PLCB1: variants seen among roughly 807,000 people sequenced by gnomAD.
The protein encoded by PLCB1 is phospholipase C beta 1, also known as 1-phosphatidylinositol 4,5-bisphosphate phosphodiesterase beta-1.
A neutral mutation model predicts 161.8 loss-of-function variants in PLCB1; 46 were observed. That is an observed-to-expected ratio of 0.28 (90% CI 0.22 to 0.36). The LOEUF (loss-of-function observed/expected upper bound fraction) is 0.36, where lower values mean the gene tolerates loss of function less well. PLCB1 is among the 10% of genes least tolerant of loss of function. The probability of loss-of-function intolerance (pLI) is 1.00; values close to 1 mark genes in which losing one functional copy is unlikely to be tolerated. For synonymous variants in PLCB1, 517 were observed against 503.7 expected (o/e 1.03, Z -0.35); for missense variants, 1,016 against 1,472.5 (o/e 0.69, Z 5.07).
chr20:8,805,928 CTT>C (rs1984516083), intron 31 of PLCB1, among the ~76,000 whole-genome samples: 1 of 152,156 alleles, frequency 6.6e-6, no homozygotes, highest in South Asian at 2.1e-4. Context: ...AAGCATATCT[CTT>C]TGAGTGGCTA....
chr20:8,249,218 T>C (rs536345664), intron 2 of PLCB1, among the ~76,000 whole-genome samples: 1 of 152,108 alleles, frequency 6.6e-6, no homozygotes, highest in South Asian at 2.1e-4. Context: ...GTTATTTAAA[T>C]AGAAGATTTC....
chr20:8,878,149 A>G (rs1987843524), intron 31 of PLCB1, among the ~76,000 whole-genome samples: 1 of 152,208 alleles, frequency 6.6e-6, no homozygotes, highest in Non-Finnish European at 1.5e-5. Flanking sequence ...CATTAACCTG[A>G]GAGAAATTAT....
At chr20:8,560,178 A>G (rs890223143) in intron 3 of PLCB1, among the ~76,000 whole-genome samples, 1 of 151,986 alleles carries the variant, frequency 6.6e-6, no homozygotes, top group African/African-American at 2.4e-5. Flanking sequence ...TAAGACCTGC[A>G]TTTCTAACAA....
chr20:8,731,491 A>G (rs1436534113), intron 18 of PLCB1, among the ~76,000 whole-genome samples: 3 of 151,920 alleles, frequency 2.0e-5, no homozygotes, highest in Admixed American at 2.0e-4. Flanking sequence ...CACTGTTGTG[A>G]TATCATCAAG....
At chr20:8,644,364 G>A (rs1186821597) in intron 4 of PLCB1, among the ~76,000 whole-genome samples, 62 of 146,744 alleles carry the variant, frequency 4.2e-4, no homozygotes, top group Admixed American at 2.8e-3. Context: ...GCCTCTTCCC[G>A]GCCGCCATCC....
At chr20:8,386,316 A>G (rs1027425490) in intron 3 of PLCB1, among the ~76,000 whole-genome samples, 5 of 152,224 alleles carry the variant, frequency 3.3e-5, no homozygotes, top group African/African-American at 9.6e-5. Flanking sequence ...TTATTGATCC[A>G]TGGGCTACAG....
intron 3 of PLCB1, among the ~76,000 whole-genome samples, chr20:8,540,699 G>C (rs1321820343): frequency 6.6e-6 from 1 of 152,094 alleles, no homozygotes. Context: ...ATTGATGAGA[G>C]ACAGGATTAA....
Position 8,658,555 on chromosome 20 carries a change from C to G in PLCB1, c.713C>G (p.Pro238Arg). The change falls in exon 9 of 32, where the codon CCA becomes CGA. Residue 238 changes from proline to arginine, a missense_variant. Transcript: ENST00000338037. ...GTTTTTAGTGGTGCAAAAAGCAAAC[C>G]ATATCTTACCGTTGATCAGATGATG... ...IFSEFGAKSK[P>R]YLTVDQMMDF... 6.2e-7 allele frequency: 1 copy of G among 1,603,752 alleles called. No individual in the cohort carries two copies. Among genetic ancestry groups the G allele is most frequent in the East Asian group, 2.2e-5 (1 of 44,568 alleles).
At chr20:8,154,833 C>T (rs2051543233) in intron 2 of PLCB1, among the ~76,000 whole-genome samples, 1 of 152,130 alleles carries the variant, frequency 6.6e-6, no homozygotes, top group Non-Finnish European at 1.5e-5. Flanking sequence ...TGCAATTACA[C>T]TCTTCCTGTC....
At chr20:8,226,027 T>C (rs901141697) in intron 2 of PLCB1, among the ~76,000 whole-genome samples, 3 of 152,196 alleles carry the variant, frequency 2.0e-5, no homozygotes, top group African/African-American at 7.2e-5. Context: ...GGATGGTGTC[T>C]AGGCACATGG....
chr20:8,589,102 G>A (rs1281242959), intron 3 of PLCB1, among the ~76,000 whole-genome samples: 1 of 152,244 alleles, frequency 6.6e-6, no homozygotes, highest in East Asian at 1.9e-4. Flanking sequence ...ATTTGAGCTA[G>A]GCCAGGTTAA....
chr20:8,227,292 T>C (rs1979750110), intron 2 of PLCB1, among the ~76,000 whole-genome samples: 1 of 152,144 alleles, frequency 6.6e-6, no homozygotes, highest in African/African-American at 2.4e-5. Context: ...AAATAAACTC[T>C]TAGGATGGTG....
chr20:8,598,808 GGATA>G (rs779988298), intron 3 of PLCB1, among the ~76,000 whole-genome samples: 128 of 75,254 alleles, frequency 1.7e-3, no homozygotes, highest in Non-Finnish European at 2.5e-3. Flanking sequence ...TATATATTTA[GGATA>G]GTTAGCTCTT....
At chr20:8,337,310 A>G (rs1465588774) in intron 2 of PLCB1, among the ~76,000 whole-genome samples, 2 of 152,214 alleles carry the variant, frequency 1.3e-5, no homozygotes, top group Admixed American at 6.5e-5. Context: ...GTAGAATTGG[A>G]ACTTGAACCC....
rs1024112888 is a variant in PLCB1 at position 8,688,725 on chromosome 20, C to T, written c.1009+3647C>T. On this transcript the variant is annotated intron_variant, in intron 10 of 31. Transcript: ENST00000338037. ...CTGAGTGCCTATTTTTATGCCAGTA[C>T]CACACTGTTTTGGTGACTATGCCCT... Among the ~76,000 whole-genome samples the T allele has an allele frequency of 2.0e-5, 3 of 152,252 alleles. No individual in the cohort carries two copies. The South Asian group carries it at 6.2e-4, about 32-fold the overall frequency.
chr20:8,221,271 G>T (rs1345201491), intron 2 of PLCB1, among the ~76,000 whole-genome samples: 1 of 152,074 alleles, frequency 6.6e-6, no homozygotes, highest in African/African-American at 2.4e-5. Flanking sequence ...TTCAGGACTC[G>T]ATCACCTCTT....
intron 3 of PLCB1, among the ~76,000 whole-genome samples, chr20:8,411,495 T>C (rs931651531): frequency 3.3e-5 from 5 of 152,188 alleles, no homozygotes; most frequent in African/African-American, 1.2e-4. Flanking sequence ...GCCTAACTGT[T>C]GTCAGTACAT....
intron 2 of PLCB1, among the ~76,000 whole-genome samples, chr20:8,179,266 C>T (rs57440128): frequency 0.078 from 11,854 of 152,128 alleles, 640 homozygotes; most frequent in Middle Eastern, 0.16. Flanking sequence ...TATCCATAAG[C>T]GTGGAATATA....
At chr20:8,750,102 T>C (rs973573381) in intron 23 of PLCB1, among the ~76,000 whole-genome samples, 1 of 152,150 alleles carries the variant, frequency 6.6e-6, no homozygotes, top group African/African-American at 2.4e-5. Flanking sequence ...ATGTGTAAAA[T>C]TGCAGCTGCT....
Sources: gnomAD v4.1 joint callset for allele counts (sites outside exome capture counted in the v4.1 genomes callset) on GRCh38, gnomAD v4.1.1 for gene constraint, MANE v1.5 for transcripts, NCBI Gene and HGNC (gene_info 2026-07-23, HGNC 2026-07-21) for gene names.